Variants in CDH20 observed in about 807,000 individuals in gnomAD.
CDH20 encodes the protein cadherin 20, also known as cadherin-20.
In CDH20, 29 loss-of-function variants were observed where a neutral mutation model predicts 74.2. That is an observed-to-expected ratio of 0.39 (90% confidence interval 0.29 to 0.53). CDH20 has a LOEUF of 0.53. CDH20 is among the 20% of genes least tolerant of loss of function. The pLI, the probability that CDH20 is intolerant of heterozygous loss-of-function variation, is 0.69. For missense variants in CDH20, 988 were observed against 1,048.3 expected (o/e 0.94, Z 0.79); for synonymous variants, 469 against 405.4 (o/e 1.16, Z -1.88).
At chr18:61,413,641 C>G (rs1196990085) in intron 1 of CDH20, among the ~76,000 whole-genome samples, 1 of 151,606 alleles carries the variant, frequency 6.6e-6, no homozygotes, top group Non-Finnish European at 1.5e-5. Context: ...CTGTTGACAT[C>G]AATACAATGA....
At chr18:61,391,061 A>G (rs1911765372) in intron 1 of CDH20, among the ~76,000 whole-genome samples, 2 of 152,214 alleles carry the variant, frequency 1.3e-5, no homozygotes. Flanking sequence ...AAGGCGAACA[A>G]AAATCTAGCA....
chr18:61,404,976 T>A, intron 1 of CDH20: 1 of 710,342 alleles, frequency 1.4e-6, no homozygotes. Context: ...TTCAATATTA[T>A]TGCCACTGTA....
chr18:61,348,615 G>A (rs1272714893), intron 1 of CDH20, among the ~76,000 whole-genome samples: 1 of 152,132 alleles, frequency 6.6e-6, no homozygotes, highest in Non-Finnish European at 1.5e-5. Context: ...AAGGTTCTAA[G>A]TCCACATTCC....
At chr18:61,492,718 C>T (rs1355983055) in intron 2 of CDH20, among the ~76,000 whole-genome samples, 1 of 152,214 alleles carries the variant, frequency 6.6e-6, no homozygotes, top group Admixed American at 6.5e-5. Context: ...CTCTCTAAGG[C>T]AAGCCCCTCT....
At chr18:61,339,854 AT>A (rs530768598) in intron 1 of CDH20, among the ~76,000 whole-genome samples, 4 of 150,032 alleles carry the variant, frequency 2.7e-5, no homozygotes, top group Admixed American at 6.7e-5. Flanking sequence ...TGCCCAGCTA[AT>A]TTTTTTTTGC....
At chr18:61,515,084 C>T (rs958996385) in intron 6 of CDH20, among the ~76,000 whole-genome samples, 34 of 152,098 alleles carry the variant, frequency 2.2e-4, no homozygotes, top group Non-Finnish European at 4.3e-4. Flanking sequence ...CAATGGCGGG[C>T]GCCCCTCCCC....
At chr18:61,417,457 TA>T (rs1912723028) in intron 1 of CDH20, among the ~76,000 whole-genome samples, 1 of 151,434 alleles carries the variant, frequency 6.6e-6, no homozygotes, top group Non-Finnish European at 1.5e-5. Flanking sequence ...ATTCAGTCAT[TA>T]AAAAGAGTGA....
At chr18:61,414,039 G>A (rs1274685937) in intron 1 of CDH20, among the ~76,000 whole-genome samples, 4 of 152,088 alleles carry the variant, frequency 2.6e-5, no homozygotes, top group African/African-American at 9.7e-5. Context: ...TTGTTTTCAC[G>A]CTTTCTGGTC....
chr18:61,460,658 A>C (rs1256998711), intron 1 of CDH20, among the ~76,000 whole-genome samples: 1 of 152,154 alleles, frequency 6.6e-6, no homozygotes, highest in Admixed American at 6.5e-5. Context: ...TCTTTCCCTG[A>C]AGGTAATTTG....
chr18:61,495,739 T>C (rs1454183539), intron 2 of CDH20, among the ~76,000 whole-genome samples: 1 of 152,184 alleles, frequency 6.6e-6, no homozygotes. Flanking sequence ...AGAGGGGCAC[T>C]GGCTGTTTTT....
chr18:61,413,327 A>C (rs184383582), intron 1 of CDH20, among the ~76,000 whole-genome samples: 110 of 132,544 alleles, frequency 8.3e-4, no homozygotes, highest in African/African-American at 2.7e-3. Flanking sequence ...TGGCCTTGGA[A>C]TGCAATCATT....
chr18:61,542,436 G>C (rs990380965), intron 9 of CDH20, among the ~76,000 whole-genome samples: 1 of 152,206 alleles, frequency 6.6e-6, no homozygotes, highest in Non-Finnish European at 1.5e-5. Flanking sequence ...CTGTGGGAGG[G>C]AAGTGAAGGA....
At chr18:61,418,109 T>C (rs534381526) in intron 1 of CDH20, among the ~76,000 whole-genome samples, 14 of 152,216 alleles carry the variant, frequency 9.2e-5, no homozygotes, top group Non-Finnish European at 1.9e-4. Context: ...CCTTATAAAG[T>C]TGAAATTTAT....
chr18:61,361,871 C>G (rs534062850), intron 1 of CDH20, among the ~76,000 whole-genome samples: 1 of 152,302 alleles, frequency 6.6e-6, no homozygotes, highest in East Asian at 1.9e-4. Flanking sequence ...ATGCCCTCAT[C>G]TAAGATGATC....
chr18:61,384,764 A>G (rs151091017), intron 1 of CDH20, among the ~76,000 whole-genome samples: 131 of 152,334 alleles, frequency 8.6e-4, no homozygotes, highest in Non-Finnish European at 1.4e-3. Context: ...TAAAAAAACT[A>G]AAAAGCAAAT....
chr18:61,429,512 T>C (rs1400666414), intron 1 of CDH20, among the ~76,000 whole-genome samples: 2 of 152,156 alleles, frequency 1.3e-5, no homozygotes, highest in Non-Finnish European at 1.5e-5. Flanking sequence ...CAACTCAACT[T>C]CTCCCATGAC....
intron 1 of CDH20, among the ~76,000 whole-genome samples, chr18:61,445,738 TA>T (rs1044162187): frequency 4.1e-4 from 62 of 152,194 alleles, no homozygotes; most frequent in Non-Finnish European, 7.2e-4. Context: ...CACTCAGACT[TA>T]ATGGCTTAAG....
chr18:61,470,189 G>A (rs926765226), intron 1 of CDH20, among the ~76,000 whole-genome samples: 1 of 152,204 alleles, frequency 6.6e-6, no homozygotes, highest in East Asian at 1.9e-4. Context: ...ACCCTGGGGG[G>A]TGTGGAGAAA....
At chr18:61,446,608 T>C (rs1289711222) in intron 1 of CDH20, among the ~76,000 whole-genome samples, 1 of 152,188 alleles carries the variant, frequency 6.6e-6, no homozygotes, top group African/African-American at 2.4e-5. Flanking sequence ...CCTCAGTTTA[T>C]TCAAATTACT....
Sources: allele counts gnomAD v4.1 joint callset (sites outside exome capture counted in the v4.1 genomes callset), GRCh38; gene constraint gnomAD v4.1.1; transcripts MANE v1.5; gene names NCBI Gene and HGNC (gene_info 2026-07-23, HGNC 2026-07-21).